The following TEKTIP1 variants were observed in gnomAD, a reference collection of about 807,000 sequenced individuals.
TEKTIP1 encodes the protein tektin bundle interacting protein 1.
At chr19:3,543,112 G>A in the TEKTIP1 span, 26 of 1,523,974 alleles carry the variant, frequency 1.7e-5, no homozygotes, top group South Asian at 1.2e-4. Context: ...TCCAAGTGGC[G>A]AGGGAGGGAG....
chr19:3,540,943 G>A, the TEKTIP1 span, among the ~76,000 whole-genome samples: 1 of 151,756 alleles, frequency 6.6e-6, no homozygotes, highest in East Asian at 2.0e-4. Flanking sequence ...GGCCGAGGCG[G>A]GTGGATCACG....
chr19:3,539,252 G>A, the TEKTIP1 span: 881 of 1,548,272 alleles, frequency 5.7e-4, no homozygotes, highest in Non-Finnish European at 7.0e-4. Flanking sequence ...TCCCAGCACC[G>A]CTGTACAGGT....
chr19:3,543,818 C>T, the TEKTIP1 span: 1 of 1,512,104 alleles, frequency 6.6e-7, no homozygotes, highest in Non-Finnish European at 8.9e-7. Flanking sequence ...TGACCCGAGT[C>T]CCACCTACAG....
the TEKTIP1 span, chr19:3,544,004 C>T: frequency 6.5e-7 from 1 of 1,538,642 alleles, no homozygotes; most frequent in Non-Finnish European, 8.8e-7. Flanking sequence ...CACCCACTCC[C>T]CGATAAAGGC....
At chr19:3,541,669 C>T in the TEKTIP1 span, 3 of 985,330 alleles carry the variant, frequency 3.0e-6, no homozygotes, top group African/African-American at 1.7e-5. Context: ...AGTGAATGGG[C>T]TCCCGCAAGT....
At chr19:3,543,120 G>A in the TEKTIP1 span, 6 of 1,518,342 alleles carry the variant, frequency 4.0e-6, no homozygotes, top group Non-Finnish European at 5.3e-6. Context: ...GCGAGGGAGG[G>A]AGACCCCACG....
the TEKTIP1 span, chr19:3,543,658 G>T: frequency 1.9e-6 from 3 of 1,541,790 alleles, no homozygotes; most frequent in East Asian, 4.9e-5. Flanking sequence ...GGAAAGACAG[G>T]CCAATCCGGG....
the TEKTIP1 span, chr19:3,543,480 G>GCA: frequency 2.2e-6 from 3 of 1,337,366 alleles, no homozygotes; most frequent in Non-Finnish European, 3.0e-6. Context: ...TCGGGTGAGT[G>GCA]CCCCCCCCCC....
At chr19:3,543,286 G>C in the TEKTIP1 span, 4 of 1,548,308 alleles carry the variant, frequency 2.6e-6, no homozygotes, top group South Asian at 2.4e-5. Context: ...CCATCAGGCA[G>C]GCCACACGCT....
At chr19:3,540,265 GT>G in the TEKTIP1 span, among the ~76,000 whole-genome samples, 15 of 141,086 alleles carry the variant, frequency 1.1e-4, no homozygotes, top group East Asian at 2.1e-4. Flanking sequence ...GCTAATTTTT[GT>G]TTTTTTTTTT....
the TEKTIP1 span, among the ~76,000 whole-genome samples, chr19:3,540,941 C>T: frequency 0.019 from 2,827 of 151,114 alleles, 82 homozygotes; most frequent in African/African-American, 0.059. Flanking sequence ...GAGGCCGAGG[C>T]GGGTGGATCA....
the TEKTIP1 span, chr19:3,539,193 C>G: frequency 6.4e-7 from 1 of 1,550,502 alleles, no homozygotes; most frequent in East Asian, 2.4e-5. Context: ...AACCCTCAGG[C>G]AAGAGGCTGC....
At chr19:3,542,821 C>G in the TEKTIP1 span, 6 of 1,373,782 alleles carry the variant, frequency 4.4e-6, no homozygotes, top group Admixed American at 9.5e-5. Context: ...TGGCTTAGTG[C>G]CAGCCCCAGA....
At chr19:3,543,584 T>G in the TEKTIP1 span, 2 of 1,526,468 alleles carry the variant, frequency 1.3e-6, no homozygotes, top group Non-Finnish European at 1.8e-6. Context: ...GGAGACCGCC[T>G]GGCATGACCC....
At chr19:3,541,783 C>A in the TEKTIP1 span, 1 of 985,020 alleles carries the variant, frequency 1.0e-6, no homozygotes, top group Non-Finnish European at 1.2e-6. Flanking sequence ...GGGTGAGGGG[C>A]TCATTTCTCA....
chr19:3,543,471 CG>C, the TEKTIP1 span: 7 of 1,475,230 alleles, frequency 4.7e-6, no homozygotes, highest in East Asian at 1.5e-4. Context: ...AGCATGCCAT[CG>C]GGTGAGTGCC....
chr19:3,542,309 C>T, the TEKTIP1 span: 1 of 985,392 alleles, frequency 1.0e-6, no homozygotes, highest in Non-Finnish European at 1.2e-6. Context: ...AGGATTTAAG[C>T]AGAGTTCCTG....
the TEKTIP1 span, chr19:3,543,543 GC>G: frequency 8.2e-7 from 1 of 1,216,396 alleles, no homozygotes; most frequent in South Asian, 1.4e-5. Flanking sequence ...GCCAGCCCCC[GC>G]CCCACCGCAG....
chr19:3,543,344 A>G, the TEKTIP1 span: 1 of 1,549,502 alleles, frequency 6.5e-7, no homozygotes, highest in East Asian at 2.4e-5. Context: ...GCTGTGGTAC[A>G]CAGGCCTGAC....
Sources: gnomAD v4.1 joint callset for allele counts (sites outside exome capture counted in the v4.1 genomes callset) on GRCh38, gnomAD v4.1.1 for gene constraint, MANE v1.5 for transcripts, NCBI Gene and HGNC (gene_info 2026-07-23, HGNC 2026-07-21) for gene names.